Variants in NFIA observed in about 807,000 individuals in gnomAD.
NFIA encodes the protein nuclear factor I A, also known as nuclear factor 1 A-type.
In NFIA, 8 loss-of-function variants were observed where a neutral mutation model predicts 62.8. The ratio of observed to expected loss-of-function variants is 0.13; its 90% CI spans 0.07 to 0.23. The LOEUF (loss-of-function observed/expected upper bound fraction) is 0.23, where lower values mean the gene tolerates loss of function less well. NFIA is among the 10% of genes least tolerant of loss of function. The pLI, the probability that NFIA is intolerant of heterozygous loss-of-function variation, is 1.00. For synonymous variants in NFIA, 235 were observed against 238.1 expected (o/e 0.99, Z 0.12); for missense variants, 410 against 642.1 (o/e 0.64, Z 3.91).
chr1:61,193,353 C>T (rs1557627215), intron 2 of NFIA, among the ~76,000 whole-genome samples: 3 of 152,118 alleles, frequency 2.0e-5, no homozygotes, highest in African/African-American at 4.8e-5. Flanking sequence ...CTTTTGTTTG[C>T]GTGTTTGTTT....
chr1:61,264,622 GC>G (rs1453070746), intron 2 of NFIA, among the ~76,000 whole-genome samples: 2 of 124,122 alleles, frequency 1.6e-5, no homozygotes, highest in Non-Finnish European at 3.1e-5. Context: ...TTGCACTCCA[GC>G]CTGGGCGATA....
At chr1:61,126,462 A>ACACACACACACT (rs1553153076) in intron 2 of NFIA, among the ~76,000 whole-genome samples, 7,550 of 145,836 alleles carry the variant, frequency 0.052, 329 homozygotes, top group Middle Eastern at 0.11. Context: ...ACACACACAC[A>ACACACACACACT]CACACACACA....
intron 2 of NFIA, among the ~76,000 whole-genome samples, chr1:61,159,122 A>G (rs1329628375): frequency 6.6e-6 from 1 of 152,186 alleles, no homozygotes; most frequent in African/African-American, 2.4e-5. Context: ...TCAAGAAAAT[A>G]GCTACCGAGG....
chr1:61,441,323 G>GTC (rs1000472746), intron 10 of NFIA, among the ~76,000 whole-genome samples: 2 of 149,950 alleles, frequency 1.3e-5, no homozygotes, highest in African/African-American at 2.5e-5. Context: ...GTGTGTGTGT[G>GTC]TGTGTGTGTG....
intron 7 of NFIA, among the ~76,000 whole-genome samples, chr1:61,391,175 C>A (rs965321084): frequency 9.2e-5 from 14 of 152,076 alleles, no homozygotes; most frequent in African/African-American, 2.9e-4. Context: ...ATCCTCCTGC[C>A]TCAGCATTCC....
At chr1:61,200,668 T>C (rs895138832) in intron 2 of NFIA, among the ~76,000 whole-genome samples, 2 of 152,170 alleles carry the variant, frequency 1.3e-5, no homozygotes, top group African/African-American at 4.8e-5. Flanking sequence ...GTTCCACAAG[T>C]GCTCTAGAGT....
intron 2 of NFIA, among the ~76,000 whole-genome samples, chr1:61,203,152 A>G (rs1652625323): frequency 6.6e-6 from 1 of 152,098 alleles, no homozygotes; most frequent in Non-Finnish European, 1.5e-5. Flanking sequence ...TGTGTTTTTT[A>G]TTCCGAGTCC....
intron 10 of NFIA, among the ~76,000 whole-genome samples, chr1:61,444,661 T>A (rs1228195609): frequency 6.6e-6 from 1 of 152,206 alleles, no homozygotes; most frequent in African/African-American, 2.4e-5. Context: ...GAAACTATCT[T>A]AAAGTATTTC....
At chr1:61,355,700 C>T (rs1025144732) in intron 5 of NFIA, among the ~76,000 whole-genome samples, 7 of 152,104 alleles carry the variant, frequency 4.6e-5, no homozygotes, top group Admixed American at 2.6e-4. Flanking sequence ...CCTGCCTCAG[C>T]CTTTGAAGTA....
intron 2 of NFIA, among the ~76,000 whole-genome samples, chr1:61,187,219 A>G (rs1285062168): frequency 1.3e-5 from 2 of 152,166 alleles, no homozygotes; most frequent in Non-Finnish European, 1.5e-5. Flanking sequence ...GACTGCTATT[A>G]TTATTATTAT....
chr1:61,113,762 G>A (rs1646749204), intron 2 of NFIA, among the ~76,000 whole-genome samples: 1 of 152,122 alleles, frequency 6.6e-6, no homozygotes, highest in African/African-American at 2.4e-5. Flanking sequence ...GGAGAGAAGA[G>A]TTGGAGAGCA....
intron 4 of NFIA, among the ~76,000 whole-genome samples, chr1:61,346,830 T>A (rs1198405610): frequency 6.6e-6 from 1 of 152,182 alleles, no homozygotes; most frequent in African/African-American, 2.4e-5. Flanking sequence ...CAGTTCTACA[T>A]GGCTGGGAAA....
chr1:61,374,593 A>G (rs149747897), intron 6 of NFIA, among the ~76,000 whole-genome samples: 263 of 152,306 alleles, frequency 1.7e-3, no homozygotes, highest in Middle Eastern at 6.8e-3. Flanking sequence ...CATTTGGAAT[A>G]TATTACAGAA....
intron 2 of NFIA, among the ~76,000 whole-genome samples, chr1:61,255,937 C>A (rs1656363184): frequency 1.3e-5 from 2 of 152,072 alleles, no homozygotes; most frequent in South Asian, 4.1e-4. Context: ...CTAGGCTGCC[C>A]TCGGGTAGAC....
In NFIA at chr1:61,161,488, A is replaced by G. The variant is rs79344567; in HGVS notation, c.559+72808A>G. 4.2e-3 allele frequency among the ~76,000 whole-genome samples: 636 copies of G among 152,272 alleles called. 4 individuals are homozygous for G. The highest frequency in any genetic ancestry group is 7.4e-3 in the Non-Finnish European group (503 of 68,022). ...AAACAAACAAGAGGTGTTAGCTGGC[A>G]GCTGAACAATGAAGAAAGACATGGA... On this transcript the variant is annotated intron_variant, in intron 2 of 10. Coordinates refer to ENST00000403491, the MANE Select transcript of NFIA (RefSeq NM_001134673.4).
chr1:61,280,553 C>T (rs17265357), intron 3 of NFIA, among the ~76,000 whole-genome samples: 2,655 of 152,230 alleles, frequency 0.017, 61 homozygotes, highest in Non-Finnish European at 0.021. Flanking sequence ...CCCTAGTAAA[C>T]CATGGAGAAT....
At chr1:61,162,817 CTTT>C (rs1188371490) in intron 2 of NFIA, among the ~76,000 whole-genome samples, 4 of 138,562 alleles carry the variant, frequency 2.9e-5, no homozygotes. Context: ...CTCTTTCAAC[CTTT>C]TTTTTTTTTT....
chr1:61,331,330 ACTC>A (rs1401147515), intron 3 of NFIA, among the ~76,000 whole-genome samples: 3 of 152,110 alleles, frequency 2.0e-5, no homozygotes, highest in African/African-American at 7.2e-5. Flanking sequence ...GTCCATTTAT[ACTC>A]CTCCAAAACA....
At chr1:61,277,371 CCA>C in intron 2 of NFIA, 147 bp from the exon 3 acceptor site, 1 of 716,828 alleles carries the variant, frequency 1.4e-6, no homozygotes, top group South Asian at 1.8e-5. Flanking sequence ...TTTTCTCTTT[CCA>C]TCTTTTCTTT....
Sources: allele counts gnomAD v4.1 joint callset (sites outside exome capture counted in the v4.1 genomes callset), GRCh38; gene constraint gnomAD v4.1.1; transcripts MANE v1.5; gene names NCBI Gene and HGNC (gene_info 2026-07-23, HGNC 2026-07-21).